Variants in CCBE1 observed in about 807,000 individuals in gnomAD.
CCBE1 encodes the protein collagen and calcium-binding EGF domain-containing protein 1.
Under a neutral mutation model 50.0 loss-of-function variants are expected in CCBE1, and 37 were observed. The ratio of observed to expected loss-of-function variants is 0.74; its 90% confidence interval spans 0.57 to 0.97. The LOEUF (loss-of-function observed/expected upper bound fraction) is 0.97. CCBE1 is among the 50% of genes least tolerant of loss of function. CCBE1 has a pLI of 0.00. For missense variants in CCBE1, 538 were observed against 523.8 expected, an observed-to-expected ratio of 1.03 and a Z score of -0.26; for synonymous variants, 234 against 203.7, an observed-to-expected ratio of 1.15 and a Z score of -1.27.
chr18:59,685,206 TAAAG>T (rs1379304562), intron 2 of CCBE1, among the ~76,000 whole-genome samples: 2 of 152,024 alleles, frequency 1.3e-5, no homozygotes, highest in Non-Finnish European at 2.9e-5. Flanking sequence ...CAATACAAAA[TAAAG>T]AGTGATGGAA....
At chr18:59,645,963 G>A (rs184781512) in intron 2 of CCBE1, among the ~76,000 whole-genome samples, 89 of 152,186 alleles carry the variant, frequency 5.8e-4, no homozygotes, top group African/African-American at 1.8e-3. Context: ...CCCGGCAGAC[G>A]GAGCTTGCAG....
intron 2 of CCBE1, among the ~76,000 whole-genome samples, chr18:59,662,205 T>C (rs2054295748): frequency 6.6e-6 from 1 of 152,174 alleles, no homozygotes; most frequent in African/African-American, 2.4e-5. Flanking sequence ...GGGTACTTGT[T>C]TACTGTATGA....
chr18:59,631,979 A>T (rs2053854858), intron 2 of CCBE1, among the ~76,000 whole-genome samples: 1 of 152,226 alleles, frequency 6.6e-6, no homozygotes, highest in Non-Finnish European at 1.5e-5. Context: ...CTGTAGATTC[A>T]AACAAAATCC....
At chr18:59,590,523 C>G (rs1238522671) in intron 2 of CCBE1, among the ~76,000 whole-genome samples, 5 of 152,082 alleles carry the variant, frequency 3.3e-5, no homozygotes, top group African/African-American at 1.2e-4. Flanking sequence ...CATGATGATA[C>G]CAACTCCACA....
At chr18:59,475,258 T>C (rs1214005551) in intron 3 of CCBE1, among the ~76,000 whole-genome samples, 1 of 152,198 alleles carries the variant, frequency 6.6e-6, no homozygotes, top group Non-Finnish European at 1.5e-5. Flanking sequence ...CAAGATTAAA[T>C]CCATTTGGGA....
chr18:59,436,633 A>G (rs553001237), intron 10 of CCBE1, among the ~76,000 whole-genome samples: 25 of 152,254 alleles, frequency 1.6e-4, no homozygotes, highest in Non-Finnish European at 3.2e-4. Flanking sequence ...GATTTAAGCA[A>G]GTAAATACGT....
intron 2 of CCBE1, among the ~76,000 whole-genome samples, chr18:59,663,167 G>T (rs540071812): frequency 6.6e-6 from 1 of 152,338 alleles, no homozygotes; most frequent in African/African-American, 2.4e-5. Flanking sequence ...AGCAATTGCT[G>T]AGAGAAGAAG....
intron 7 of CCBE1, among the ~76,000 whole-genome samples, chr18:59,445,349 G>A (rs1910622217): frequency 6.6e-6 from 1 of 152,120 alleles, no homozygotes; most frequent in Non-Finnish European, 1.5e-5. Flanking sequence ...AGATAGTCCT[G>A]GATACATAGT....
intron 2 of CCBE1, among the ~76,000 whole-genome samples, chr18:59,527,860 A>G (rs1449095008): frequency 1.3e-5 from 2 of 152,130 alleles, no homozygotes; most frequent in Non-Finnish European, 2.9e-5. Context: ...TGTTACTCTG[A>G]TGGGCTTCTC....
At chr18:59,593,850 C>T (rs1185646265) in intron 2 of CCBE1, among the ~76,000 whole-genome samples, 1 of 152,230 alleles carries the variant, frequency 6.6e-6, no homozygotes, top group Non-Finnish European at 1.5e-5. Context: ...AAGTAGCAGC[C>T]TCTGGACTAA....
chr18:59,468,126 G>T (rs1911840429), intron 4 of CCBE1, among the ~76,000 whole-genome samples: 1 of 152,224 alleles, frequency 6.6e-6, no homozygotes, highest in Admixed American at 6.5e-5. Context: ...GGTGGCTCAT[G>T]CCTGTAATCC....
chr18:59,497,267 G>A (rs917286869), intron 2 of CCBE1, among the ~76,000 whole-genome samples: 9 of 152,156 alleles, frequency 5.9e-5, no homozygotes, highest in Non-Finnish European at 1.0e-4. Flanking sequence ...ATAATTGAAT[G>A]CTGACCCTGA....
intron 2 of CCBE1, among the ~76,000 whole-genome samples, chr18:59,634,314 A>G (rs1041732976): frequency 3.3e-5 from 5 of 152,340 alleles, no homozygotes; most frequent in Middle Eastern, 6.8e-3. Flanking sequence ...GGCCTCCCCC[A>G]CTGTGAATCT....
At chr18:59,497,394 T>C (rs958572657) in intron 2 of CCBE1, among the ~76,000 whole-genome samples, 19 of 152,088 alleles carry the variant, frequency 1.2e-4, no homozygotes, top group African/African-American at 4.1e-4. Flanking sequence ...AACATAAGTG[T>C]CTAACAACAT....
chr18:59,572,845 T>G (rs2052934106), intron 2 of CCBE1, among the ~76,000 whole-genome samples: 2 of 152,168 alleles, frequency 1.3e-5, no homozygotes, highest in Non-Finnish European at 2.9e-5. Flanking sequence ...GCCCCTAAGA[T>G]GGTTTTAGTT....
At chr18:59,482,696 C>G (rs1474385817) in intron 2 of CCBE1, among the ~76,000 whole-genome samples, 1 of 151,880 alleles carries the variant, frequency 6.6e-6, no homozygotes, top group African/African-American at 2.4e-5. Context: ...ATAGCACAAC[C>G]CTGGCATTTC....
Position 59,431,016 on chromosome 18 carries a change from A to C in CCBE1, c.*4892T>G, listed in dbSNP as rs1909929904. The C allele has an allele frequency of 1.3e-5, 2 of 152,214 alleles. No individual in the cohort carries two copies. The highest frequency in any genetic ancestry group is 4.1e-4 in the South Asian group (2 of 4,834). 9.4% of individuals were successfully genotyped at this position (152,214 alleles called of 1,614,324 possible). On this transcript the variant is annotated 3_prime_UTR_variant, in exon 11 of 11. Transcript: ENST00000439986. The stretch of plus-strand genomic sequence containing the variant: ...ATAGTATCACATCCATAATTGCTTG[A>C]ATGCTAACTTGACTGTTACATGGAC...
intron 2 of CCBE1, among the ~76,000 whole-genome samples, chr18:59,666,935 A>T (rs2054366310): frequency 1.3e-5 from 2 of 152,234 alleles, no homozygotes; most frequent in Non-Finnish European, 2.9e-5. Context: ...ACTGCACTCC[A>T]GCCTGGGCAA....
At chr18:59,642,908 C>T (rs973512176) in intron 2 of CCBE1, among the ~76,000 whole-genome samples, 3 of 140,196 alleles carry the variant, frequency 2.1e-5, no homozygotes, top group African/African-American at 8.2e-5. Flanking sequence ...GAGATCGTGC[C>T]ACTGCACTCC....
Sources: allele counts gnomAD v4.1 joint callset (sites outside exome capture counted in the v4.1 genomes callset), GRCh38; gene constraint gnomAD v4.1.1; transcripts MANE v1.5; gene names NCBI Gene and HGNC (gene_info 2026-07-23, HGNC 2026-07-21).